CD99L2: variants seen among roughly 807,000 people sequenced by gnomAD.
The protein encoded by CD99L2 is CD99 antigen-like protein 2.
Under a neutral mutation model 27.3 loss-of-function variants are expected in CD99L2, and 24 were observed. That is an observed-to-expected ratio of 0.88 (90% CI 0.64 to 1.24). The LOEUF (loss-of-function observed/expected upper bound fraction) is 1.24. Ranked by LOEUF, CD99L2 falls within the 50% of genes most tolerant of loss-of-function variation. The probability of loss-of-function intolerance (pLI) is 0.00; values close to 1 mark genes in which losing one functional copy is unlikely to be tolerated. For missense variants in CD99L2, 255 were observed against 221.6 expected (o/e 1.15, Z -0.96); for synonymous variants, 97 against 87.9 (o/e 1.10, Z -0.58).
At chrX:150,788,748 G>C (rs1320798313) in intron 7 of CD99L2, among the ~76,000 whole-genome samples, 1 of 111,696 alleles carries the variant, frequency 9.0e-6, no homozygotes, top group African/African-American at 3.3e-5. Flanking sequence ...TCGGCAGACT[G>C]TTCAACCGGA....
At chrX:150,849,873 T>G (rs1169620936) in intron 1 of CD99L2, among the ~76,000 whole-genome samples, 11 of 111,709 alleles carry the variant, frequency 9.8e-5, no homozygotes, top group Admixed American at 3.8e-4. Context: ...AGATAGGATG[T>G]ATGACAACTT....
intron 7 of CD99L2, among the ~76,000 whole-genome samples, chrX:150,792,783 G>A (rs1047118312): frequency 8.9e-5 from 10 of 112,001 alleles, no homozygotes; most frequent in African/African-American, 2.9e-4. Flanking sequence ...TTACAATCAC[G>A]ACAGGTTACA....
At chrX:150,845,412 G>A (rs1197107648) in intron 1 of CD99L2, among the ~76,000 whole-genome samples, 1 of 111,970 alleles carries the variant, frequency 8.9e-6, no homozygotes, top group East Asian at 2.8e-4. Flanking sequence ...CTTTAAAATG[G>A]TGAATTTTAT....
intron 4 of CD99L2, among the ~76,000 whole-genome samples, chrX:150,807,238 A>G (rs1286157950): frequency 9.0e-6 from 1 of 111,170 alleles, no homozygotes; most frequent in Non-Finnish European, 1.9e-5. Flanking sequence ...CAAGCAGACC[A>G]GCAGGCACTA....
chrX:150,847,778 A>G (rs2046724503), intron 1 of CD99L2, among the ~76,000 whole-genome samples: 1 of 110,942 alleles, frequency 9.0e-6, no homozygotes, highest in Non-Finnish European at 1.9e-5. Flanking sequence ...AAAGCTGTAC[A>G]CTGTCCCGAC....
At chrX:150,792,822 T>G (rs2045714329) in intron 7 of CD99L2, among the ~76,000 whole-genome samples, 1 of 112,353 alleles carries the variant, frequency 8.9e-6, no homozygotes. Context: ...TAGCCTGCCT[T>G]GCCACATCAA....
intron 10 of CD99L2, among the ~76,000 whole-genome samples, chrX:150,769,738 G>A (rs1186468799): frequency 7.5e-5 from 8 of 106,823 alleles, no homozygotes; most frequent in Non-Finnish European, 1.5e-4. Flanking sequence ...CTCCTCATTG[G>A]CATCCCGTGG....
intron 1 of CD99L2, among the ~76,000 whole-genome samples, chrX:150,889,454 G>A (rs1310748950): frequency 9.2e-6 from 1 of 108,542 alleles, no homozygotes; most frequent in Non-Finnish European, 1.9e-5. Context: ...TCCCAGGCTA[G>A]TTGAAGCAGC....
At chrX:150,796,807 T>C (rs1557419918) in intron 4 of CD99L2, among the ~76,000 whole-genome samples, 1 of 112,510 alleles carries the variant, frequency 8.9e-6, no homozygotes, top group Non-Finnish European at 1.9e-5. Flanking sequence ...TCATTGATTA[T>C]ACTTAATTCA....
At chrX:150,889,874 C>T (rs190265170) in intron 1 of CD99L2, among the ~76,000 whole-genome samples, 1 of 112,314 alleles carries the variant, frequency 8.9e-6, no homozygotes, top group Admixed American at 9.4e-5. Context: ...ACTTGCTAGC[C>T]GGGCGCGGTG....
intron 1 of CD99L2, among the ~76,000 whole-genome samples, chrX:150,874,892 A>AT (rs1340272696): frequency 9.0e-6 from 1 of 111,299 alleles, no homozygotes; most frequent in African/African-American, 3.3e-5. Context: ...TGTTCCTATG[A>AT]TTTTAGTTTT....
chrX:150,835,882 T>C (rs1183521852), intron 1 of CD99L2, among the ~76,000 whole-genome samples: 1 of 111,589 alleles, frequency 9.0e-6, no homozygotes, highest in Non-Finnish European at 1.9e-5. Context: ...GCTCCACTGA[T>C]GAGGGGCCAA....
intron 1 of CD99L2, among the ~76,000 whole-genome samples, chrX:150,868,868 G>T: frequency 9.0e-6 from 1 of 111,675 alleles, no homozygotes; most frequent in African/African-American, 3.3e-5. Context: ...ACTTGTGATG[G>T]CCTCGTGGCA....
chrX:150,817,532 C>CT lies in CD99L2; in HGVS notation c.131-1455dup, dbSNP rs201515982. On this transcript the variant is annotated intron_variant, in intron 2 of 10. Transcript: ENST00000370377. ...GTGCATGAAGTTTTTCCAATAGTTT[C>CT]TTTTCATAAACATCAAGACTATGTT... Among the ~76,000 whole-genome samples the CT allele has an allele frequency of 4.3e-3, 487 of 112,168 alleles. 9 individuals are homozygous for CT. The East Asian group carries it at 0.058, about 13-fold the overall frequency.
intron 4 of CD99L2, among the ~76,000 whole-genome samples, chrX:150,803,310 G>A (rs915166597): frequency 8.9e-6 from 1 of 112,125 alleles, no homozygotes; most frequent in Non-Finnish European, 1.9e-5. Context: ...GAGACATACC[G>A]TATTCATGGA....
In CD99L2 at chrX:150,887,875, C is replaced by A. The variant is rs149231491; in HGVS notation, c.67+10647G>T. On this transcript the variant is annotated intron_variant, in intron 1 of 10. Coordinates refer to ENST00000370377, the MANE Select transcript of CD99L2 (RefSeq NM_031462.4). ...CAAATATACCTCATGGTGATTATTTCATAAAGAACTAGAGAGGTGAGAGAA... is the reference window on the plus strand; with the variant it reads ...CAAATATACCTCATGGTGATTATTTAATAAAGAACTAGAGAGGTGAGAGAA... Among the ~76,000 whole-genome samples, 6 of 112,159 alleles carry A rather than the reference C, an allele frequency of 5.3e-5. 1 individual carries two copies. Among genetic ancestry groups the A allele is most frequent in the African/African-American group, 1.9e-4 (6 of 30,887 alleles).
At chrX:150,789,555 A>G (rs2045653970) in intron 7 of CD99L2, among the ~76,000 whole-genome samples, 1 of 111,971 alleles carries the variant, frequency 8.9e-6, no homozygotes, top group South Asian at 3.7e-4. Context: ...ATAAAGTATT[A>G]TGTGTATGTC....
intron 7 of CD99L2, among the ~76,000 whole-genome samples, chrX:150,777,749 C>CTATTCTATT (rs2045424894): frequency 8.9e-6 from 1 of 111,900 alleles, no homozygotes; most frequent in East Asian, 2.8e-4. Context: ...ACATGCCGGG[C>CTATTCTATT]TCTTTAGACA....
intron 1 of CD99L2, among the ~76,000 whole-genome samples, chrX:150,888,566 C>T (rs137953716): frequency 8.9e-6 from 1 of 112,120 alleles, no homozygotes; most frequent in African/African-American, 3.2e-5. Context: ...GTATTTAATG[C>T]CACTGAACTG....
Sources: allele counts gnomAD v4.1 joint callset (sites outside exome capture counted in the v4.1 genomes callset), GRCh38; gene constraint gnomAD v4.1.1; transcripts MANE v1.5; gene names NCBI Gene and HGNC (gene_info 2026-07-23, HGNC 2026-07-21).